The following LCA5 variants were observed in gnomAD, a reference collection of about 807,000 sequenced individuals.
LCA5 encodes lebercilin.
Under a neutral mutation model 53.0 loss-of-function variants are expected in LCA5, and 37 were observed. The ratio of observed to expected loss-of-function variants is 0.70; its 90% CI spans 0.54 to 0.92. The LOEUF is 0.92. Among genes scored for constraint, LCA5 ranks in the 40% least tolerant of loss-of-function variants. LCA5 has a pLI of 0.00. For missense variants in LCA5, 806 were observed against 790.5 expected (o/e 1.02, Z -0.23); for synonymous variants, 303 against 282.9 (o/e 1.07, Z -0.71).
intron 1 of LCA5, among the ~76,000 whole-genome samples, chr6:79,533,626 A>G (rs1767020871): frequency 6.6e-6 from 1 of 151,242 alleles, no homozygotes. Flanking sequence ...AAAATTACAC[A>G]TAACAGGTCA....
At chr6:79,522,980 C>T (rs879942164) in intron 1 of LCA5, among the ~76,000 whole-genome samples, 6 of 151,096 alleles carry the variant, frequency 4.0e-5, no homozygotes, top group South Asian at 2.1e-4. Flanking sequence ...GTCTGGGGTT[C>T]GCTTCAAAAT....
At chr6:79,514,059 T>C (rs983749122) in intron 2 of LCA5, among the ~76,000 whole-genome samples, 6 of 152,184 alleles carry the variant, frequency 3.9e-5, no homozygotes, top group Admixed American at 1.3e-4. Context: ...AATTCAAACA[T>C]GAGCATTATC....
At chr6:79,524,024 T>TC (rs1766709121) in intron 1 of LCA5, among the ~76,000 whole-genome samples, 1 of 152,214 alleles carries the variant, frequency 6.6e-6, no homozygotes, top group Non-Finnish European at 1.5e-5. Context: ...GCATGGTTTT[T>TC]CTCTTAGAAT....
intron 1 of LCA5, among the ~76,000 whole-genome samples, chr6:79,536,874 C>T (rs1168076776): frequency 1.3e-5 from 2 of 152,130 alleles, no homozygotes; most frequent in Non-Finnish European, 2.9e-5. Flanking sequence ...GAAGTAAATA[C>T]CCTTTCCCAG....
intron 1 of LCA5, among the ~76,000 whole-genome samples, chr6:79,533,347 A>AG (rs1368994664): frequency 6.6e-6 from 1 of 152,046 alleles, no homozygotes; most frequent in Non-Finnish European, 1.5e-5. Context: ...TTGCAGGAGG[A>AG]GGGGGGAGCG....
intron 3 of LCA5, among the ~76,000 whole-genome samples, chr6:79,494,425 T>C (rs1769925439): frequency 6.6e-6 from 1 of 152,160 alleles, no homozygotes; most frequent in Admixed American, 6.5e-5. Flanking sequence ...CATGTTGAAA[T>C]ATTTTCTTTT....
intron 1 of LCA5, among the ~76,000 whole-genome samples, chr6:79,532,872 C>T (rs1766999204): frequency 6.6e-6 from 1 of 152,092 alleles, no homozygotes; most frequent in Admixed American, 6.6e-5. Context: ...ACCCACCATT[C>T]ATTATTTGTG....
At chr6:79,523,336 AG>A (rs141144785) in intron 1 of LCA5, among the ~76,000 whole-genome samples, 1,632 of 152,328 alleles carry the variant, frequency 0.011, 36 homozygotes, top group African/African-American at 0.038. Flanking sequence ...AAAATTGTCT[AG>A]AAAAAAAGGA....
rs1352429287 is a variant in LCA5, at chr6:79,513,306, A to T, written c.626T>A (p.Ile209Asn). 4 of 1,613,558 alleles carry T rather than the reference A, an allele frequency of 2.5e-6. No individual in the cohort carries two copies. In the African/African-American group the frequency reaches 5.3e-5, roughly 22 times the overall value. Reference sequence around the variant, plus strand: ...TTCAGGTAGGTGTCTAGCTTCAGAGATCTCTTTCAGTTTCTGTAAGGAAAA... The same window carrying T: ...TTCAGGTAGGTGTCTAGCTTCAGAGTTCTCTTTCAGTTTCTGTAAGGAAAA... Reference protein sequence around the residue: ...TKFSLQKLKEISEARHLPERD... With the variant: ...TKFSLQKLKENSEARHLPERD... Residue 209 changes from isoleucine (I) to asparagine (N), a missense_variant, in exon 3 of 8, where the codon ATC becomes AAC. Transcript: ENST00000369846.
chr6:79,514,954 C>A (rs1045739785), intron 2 of LCA5, among the ~76,000 whole-genome samples: 1 of 151,992 alleles, frequency 6.6e-6, no homozygotes, highest in Non-Finnish European at 1.5e-5. Flanking sequence ...ATACAACAAA[C>A]CCCCATAACA....
chr6:79,485,059 C>T lies in LCA5; in HGVS notation c.*1945G>A, dbSNP rs1190819653. ...ATTTAATGACATTTAGAAAAAAAAA[C>T]AATTTACCCTGTAAGGTTTGTTCAT... On this transcript the variant is annotated 3_prime_UTR_variant, in exon 8 of 8. Transcript: ENST00000369846. 4 of 151,844 alleles carry T rather than the reference C, an allele frequency of 2.6e-5. No individual in the cohort carries two copies. The South Asian group carries it at 8.3e-4, about 32-fold the overall frequency. 9.4% of individuals were successfully genotyped at this position (151,844 alleles called of 1,614,324 possible). A position where few individuals can be genotyped will look rare whatever the true frequency, so the allele number is the denominator to read the frequency against.
intron 6 of LCA5, 49 bp from the exon 7 acceptor site, chr6:79,489,265 G>T: frequency 1.3e-6 from 2 of 1,580,752 alleles, no homozygotes; most frequent in Non-Finnish European, 1.7e-6. Context: ...AGAAAAGGGG[G>T]GGAACTAAGC....
intron 2 of LCA5, among the ~76,000 whole-genome samples, chr6:79,515,599 G>C (rs974966126): frequency 2.6e-5 from 4 of 151,862 alleles, no homozygotes; most frequent in African/African-American, 9.7e-5. Flanking sequence ...TAATCTACAT[G>C]GTAACTGCAT....
intron 1 of LCA5, among the ~76,000 whole-genome samples, chr6:79,534,179 T>C (rs1767041512): frequency 6.6e-6 from 1 of 151,430 alleles, no homozygotes; most frequent in Admixed American, 6.6e-5. Flanking sequence ...CTTATCTACA[T>C]AATCTTGCTT....
chr6:79,492,105 A>G (rs1285712125), intron 5 of LCA5, among the ~76,000 whole-genome samples: 1 of 152,016 alleles, frequency 6.6e-6, no homozygotes, highest in African/African-American at 2.4e-5. Flanking sequence ...AAAACTACAA[A>G]TAACAATACA....
intron 2 of LCA5, 150 bp downstream of exon 2, chr6:79,518,555 A>C (rs552774542): frequency 1.5e-6 from 1 of 680,118 alleles, no homozygotes; most frequent in African/African-American, 1.8e-5. Flanking sequence ...ATATATACTT[A>C]TAAGTATATA....
intron 1 of LCA5, 106 bp from the exon 2 acceptor site, chr6:79,519,191 T>C: frequency 2.5e-6 from 1 of 398,146 alleles, no homozygotes; most frequent in South Asian, 2.7e-5. Flanking sequence ...AGCTTACAAT[T>C]TTTAAAAGAG....
At position 79,530,280 on chromosome 6, in the gene LCA5, T is replaced by A. The variant is rs557114891; in HGVS notation, c.-192+6885A>T. 2.0e-5 allele frequency among the ~76,000 whole-genome samples: 3 copies of A among 152,232 alleles called. 1 individual carries two copies. In the South Asian group the frequency reaches 6.2e-4, roughly 32 times the overall value. ...AGCAACAGAAAACCAAATGCCATTATGCCATTATAAGTGGGAGCTAAATTA... is the reference window on the plus strand; with the variant it reads ...AGCAACAGAAAACCAAATGCCATTAAGCCATTATAAGTGGGAGCTAAATTA... On this transcript the variant is annotated intron_variant, in intron 1 of 7. Transcript: ENST00000369846.
intron 1 of LCA5, among the ~76,000 whole-genome samples, chr6:79,531,089 A>G (rs1285429420): frequency 6.6e-6 from 1 of 152,170 alleles, no homozygotes; most frequent in African/African-American, 2.4e-5. Flanking sequence ...GTCTAAGATC[A>G]GAAAGCTCCG....
Sources: gnomAD v4.1 joint callset for allele counts (sites outside exome capture counted in the v4.1 genomes callset) on GRCh38, gnomAD v4.1.1 for gene constraint, MANE v1.5 for transcripts, NCBI Gene and HGNC (gene_info 2026-07-23, HGNC 2026-07-21) for gene names.